The following NRXN3 variants were observed in gnomAD, a reference collection of about 807,000 sequenced individuals.
NRXN3 encodes the protein neurexin 3.
In NRXN3, 32 loss-of-function variants were observed where a neutral mutation model predicts 137.6. The observed-to-expected ratio is 0.23, with a 90% CI of 0.18 to 0.31. The LOEUF is 0.31. NRXN3 is among the 10% of genes least tolerant of loss of function. The pLI is 1.00. For missense variants in NRXN3, 1,574 were observed against 2,062.5 expected, an observed-to-expected ratio of 0.76 and a Z score of 4.59; for synonymous variants, 798 against 784.5, an observed-to-expected ratio of 1.02 and a Z score of -0.29.
At position 79,191,710 on chromosome 14, in the gene NRXN3, C is replaced by T. The variant is rs191238506; in HGVS notation, c.3262+203569C>T. Among the ~76,000 whole-genome samples, 8 of 152,126 alleles carry T rather than the reference C, an allele frequency of 5.3e-5. No individual in the cohort carries two copies. The South Asian group carries it at 8.3e-4, about 16-fold the overall frequency. ...AAATCTTGCAACAACCCAGTTAGAACGACTTACTAAGACTTGAAGTTAAGT... is the reference window on the plus strand; with the variant it reads ...AAATCTTGCAACAACCCAGTTAGAATGACTTACTAAGACTTGAAGTTAAGT... On this transcript the variant is annotated intron_variant, in intron 15 of 20. Coordinates refer to ENST00000335750, the MANE Select transcript of NRXN3 (RefSeq NM_001330195.2).
chr14:78,311,995 G>A (rs2078032387), intron 4 of NRXN3, among the ~76,000 whole-genome samples: 1 of 152,132 alleles, frequency 6.6e-6, no homozygotes, highest in African/African-American at 2.4e-5. Context: ...CAGAAAATTT[G>A]TAGCACAATC....
At position 78,274,835 on chromosome 14, in the gene NRXN3, G is replaced by C. The variant is rs189869508; in HGVS notation, c.710-3810G>C. On this transcript the variant is annotated intron_variant, in intron 2 of 20. Transcript: ENST00000335750. ...GAGCATGGAGATCCTAAGGGAGGTGGCTGCAACTGGGACAGAGCTAGTTTT... is the reference window on the plus strand; with the variant it reads ...GAGCATGGAGATCCTAAGGGAGGTGCCTGCAACTGGGACAGAGCTAGTTTT... Among the ~76,000 whole-genome samples the C allele has an allele frequency of 1.6e-3, 247 of 152,258 alleles. 1 individual carries two copies. Among genetic ancestry groups the C allele is most frequent in the Non-Finnish European group, 2.5e-3 (168 of 68,012 alleles).
intron 15 of NRXN3, among the ~76,000 whole-genome samples, chr14:79,418,381 T>C (rs1320006867): frequency 3.3e-5 from 5 of 152,212 alleles, no homozygotes; most frequent in Non-Finnish European, 7.3e-5. Context: ...ATGAGGCAGC[T>C]TTAAATAGCT....
intron 8 of NRXN3, among the ~76,000 whole-genome samples, chr14:78,773,001 T>A (rs2098733224): frequency 6.6e-6 from 1 of 152,226 alleles, no homozygotes; most frequent in Non-Finnish European, 1.5e-5. Context: ...TTACGTTTTG[T>A]TCTTGATTCT....
intron 16 of NRXN3, among the ~76,000 whole-genome samples, chr14:79,655,309 T>C (rs2098500196): frequency 6.6e-6 from 1 of 151,696 alleles, no homozygotes; most frequent in Non-Finnish European, 1.5e-5. Context: ...TCTGTGAGCA[T>C]GCATTTCAAA....
chr14:78,710,736 T>C (rs1273403347), intron 7 of NRXN3, among the ~76,000 whole-genome samples: 1 of 152,220 alleles, frequency 6.6e-6, no homozygotes, highest in Non-Finnish European at 1.5e-5. Context: ...TTGGCTTTTC[T>C]GCATAATTCC....
intron 16 of NRXN3, among the ~76,000 whole-genome samples, chr14:79,575,503 C>A (rs1417121539): frequency 6.6e-6 from 1 of 152,050 alleles, no homozygotes; most frequent in Non-Finnish European, 1.5e-5. Flanking sequence ...CAGTTTTTAA[C>A]AAAACATAAA....
intron 16 of NRXN3, among the ~76,000 whole-genome samples, chr14:79,479,097 G>T (rs1197514678): frequency 2.0e-5 from 3 of 152,148 alleles, no homozygotes; most frequent in Non-Finnish European, 2.9e-5. Flanking sequence ...AGCTTGGATA[G>T]CTACAAACGT....
chr14:79,151,553 T>C (rs900784531), intron 15 of NRXN3, among the ~76,000 whole-genome samples: 2 of 152,150 alleles, frequency 1.3e-5, no homozygotes, highest in Middle Eastern at 6.8e-3. Context: ...CTTGGTGCTG[T>C]CCTGGAAACT....
chr14:78,798,718 G>C (rs554384653), intron 8 of NRXN3, among the ~76,000 whole-genome samples: 1 of 152,306 alleles, frequency 6.6e-6, no homozygotes, highest in African/African-American at 2.4e-5. Context: ...AGACATCCAG[G>C]CATTTCCATA....
chr14:79,825,232 C>G (rs1453257012), intron 20 of NRXN3, among the ~76,000 whole-genome samples: 1 of 133,312 alleles, frequency 7.5e-6, no homozygotes, highest in Non-Finnish European at 1.6e-5. Context: ...TTTTTACGGC[C>G]GTCCAATTTT....
intron 20 of NRXN3, among the ~76,000 whole-genome samples, chr14:79,806,687 A>G (rs1171548526): frequency 2.7e-5 from 4 of 150,440 alleles, no homozygotes; most frequent in Non-Finnish European, 4.4e-5. Flanking sequence ...GCAGGATACA[A>G]TATATCTCTA....
chr14:79,005,994 T>C (rs552771989), intron 15 of NRXN3, among the ~76,000 whole-genome samples: 2 of 152,280 alleles, frequency 1.3e-5, no homozygotes, highest in East Asian at 3.9e-4. Context: ...CAATGCCTCG[T>C]TTATTTTTAT....
intron 8 of NRXN3, among the ~76,000 whole-genome samples, chr14:78,723,439 C>G (rs924814730): frequency 6.6e-6 from 1 of 152,198 alleles, no homozygotes; most frequent in African/African-American, 2.4e-5. Flanking sequence ...GCCATGGAAG[C>G]CTTTTGCTTC....
intron 15 of NRXN3, among the ~76,000 whole-genome samples, chr14:79,339,896 A>G (rs2092499516): frequency 6.6e-6 from 1 of 152,206 alleles, no homozygotes; most frequent in Non-Finnish European, 1.5e-5. Context: ...AATGCATACA[A>G]TTAGTAGTGT....
At chr14:78,184,674 G>C (rs897631312) in intron 1 of NRXN3, among the ~76,000 whole-genome samples, 2 of 152,246 alleles carry the variant, frequency 1.3e-5, no homozygotes, top group African/African-American at 4.8e-5. Flanking sequence ...ACTCCTTAGA[G>C]AGTGCATAGA....
At chr14:79,287,606 G>A (rs2153454566) in intron 15 of NRXN3, among the ~76,000 whole-genome samples, 1 of 152,198 alleles carries the variant, frequency 6.6e-6, no homozygotes, top group African/African-American at 2.4e-5. Flanking sequence ...GCTTACTAGG[G>A]CTCAAAGTTT....
chr14:78,308,433 G>T (rs113865041), intron 4 of NRXN3, among the ~76,000 whole-genome samples: 6,433 of 152,166 alleles, frequency 0.042, 417 homozygotes, highest in African/African-American at 0.14. Flanking sequence ...ATGCTCTGCA[G>T]CCCTTTTAAA....
intron 15 of NRXN3, among the ~76,000 whole-genome samples, chr14:79,190,499 T>C (rs1380006571): frequency 6.6e-6 from 1 of 152,184 alleles, no homozygotes; most frequent in Non-Finnish European, 1.5e-5. Flanking sequence ...GTGGTTGCTA[T>C]TTTCTGGAGT....
Sources: gnomAD v4.1 joint callset for allele counts (sites outside exome capture counted in the v4.1 genomes callset) on GRCh38, gnomAD v4.1.1 for gene constraint, MANE v1.5 for transcripts, NCBI Gene and HGNC (gene_info 2026-07-23, HGNC 2026-07-21) for gene names.